Variants in FOXP2 observed in about 807,000 individuals in gnomAD.
The protein encoded by FOXP2 is forkhead box P2.
A neutral mutation model predicts 115.8 loss-of-function variants in FOXP2; 12 were observed. The ratio of observed to expected loss-of-function variants is 0.10; its 90% CI spans 0.07 to 0.17. FOXP2 has a LOEUF of 0.17. Ranked by LOEUF, FOXP2 falls within the 10% of genes least tolerant of loss-of-function variation. The pLI is 1.00. For synonymous variants in FOXP2, 328 were observed against 297.7 expected (o/e 1.10, Z -1.05); for missense variants, 629 against 843.5 (o/e 0.75, Z 3.15).
At chr7:114,463,924 G>A (rs1472023636) in intron 2 of FOXP2, among the ~76,000 whole-genome samples, 1 of 152,128 alleles carries the variant, frequency 6.6e-6, no homozygotes, top group African/African-American at 2.4e-5. Flanking sequence ...CAAAGAGAGA[G>A]ACAGTGTTTC....
intron 1 of FOXP2, among the ~76,000 whole-genome samples, chr7:114,088,811 T>C (rs1799481440): frequency 6.6e-6 from 1 of 152,244 alleles, no homozygotes; most frequent in African/African-American, 2.4e-5. Flanking sequence ...TTGTTTAATG[T>C]TGTTAAACAC....
Position 114,173,742 on chromosome 7 carries a change from C to T in FOXP2, c.-102+10654C>T, listed in dbSNP as rs185130543. On this transcript the variant is annotated intron_variant, in intron 1 of 17. Coordinates refer to the FOXP2 transcript ENST00000634411. ...AAGAATTATCTTTGTAGCAACTTTT[C>T]CTTTGCCATATTGAAATTTTGGGAA... Among the ~76,000 whole-genome samples the T allele has an allele frequency of 2.6e-5, 4 of 151,904 alleles. No homozygotes were observed. The East Asian group carries it at 5.8e-4, about 22-fold the overall frequency.
intron 1 of FOXP2, among the ~76,000 whole-genome samples, chr7:114,256,443 C>G (rs970614490): frequency 2.6e-5 from 4 of 152,116 alleles, no homozygotes; most frequent in African/African-American, 9.7e-5. Flanking sequence ...TTGCATTTCT[C>G]TAATGACCAT....
At chr7:114,452,171 TGA>T (rs2129219263) in intron 2 of FOXP2, among the ~76,000 whole-genome samples, 1 of 152,138 alleles carries the variant, frequency 6.6e-6, no homozygotes, top group South Asian at 2.1e-4. Context: ...TGAGCCTTTG[TGA>T]TATGTTCTTA....
chr7:114,599,013 C>T (rs559929605), intron 3 of FOXP2, among the ~76,000 whole-genome samples: 84 of 152,214 alleles, frequency 5.5e-4, no homozygotes, highest in African/African-American at 2.0e-3. Flanking sequence ...TACACAGCCA[C>T]GTTTATTCAT....
intron 2 of FOXP2, among the ~76,000 whole-genome samples, chr7:114,449,961 C>T (rs1795000414): frequency 6.6e-6 from 1 of 152,028 alleles, no homozygotes; most frequent in Admixed American, 6.6e-5. Flanking sequence ...CATACATATA[C>T]ATGACATCCA....
chr7:114,547,114 C>G (rs535975577), intron 3 of FOXP2, among the ~76,000 whole-genome samples: 4 of 152,270 alleles, frequency 2.6e-5, no homozygotes, highest in Admixed American at 1.3e-4. Flanking sequence ...CCAACTCTCT[C>G]TCATATTACT....
intron 2 of FOXP2, among the ~76,000 whole-genome samples, chr7:114,324,956 C>T (rs1797521559): frequency 6.6e-6 from 1 of 151,676 alleles, no homozygotes; most frequent in Admixed American, 6.6e-5. Flanking sequence ...TTATGGAGTA[C>T]ATGAGATGTT....
At chr7:114,211,289 C>T (rs1794341317) in intron 1 of FOXP2, among the ~76,000 whole-genome samples, 1 of 152,182 alleles carries the variant, frequency 6.6e-6, no homozygotes, top group Admixed American at 6.5e-5. Flanking sequence ...TGAGCAGCTA[C>T]CCTGCTGAGA....
chr7:114,660,466 C>CT (rs1432248760), intron 13 of FOXP2, among the ~76,000 whole-genome samples: 1 of 152,128 alleles, frequency 6.6e-6, no homozygotes, highest in African/African-American at 2.4e-5. Context: ...CACTCATCAG[C>CT]ATACTGAGAA....
chr7:114,543,803 A>G (rs920685384), intron 3 of FOXP2, among the ~76,000 whole-genome samples: 2 of 152,220 alleles, frequency 1.3e-5, no homozygotes, highest in Non-Finnish European at 2.9e-5. Context: ...TTAAAGCTCT[A>G]TTCTACCAAA....
intron 2 of FOXP2, among the ~76,000 whole-genome samples, chr7:114,300,522 C>A (rs946752737): frequency 6.6e-6 from 1 of 151,642 alleles, no homozygotes; most frequent in Non-Finnish European, 1.5e-5. Context: ...TTTCCTGAAA[C>A]AAGAAAAAAT....
chr7:114,413,045 C>A (rs1793203852), upstream of FOXP2, among the ~76,000 whole-genome samples: 1 of 151,940 alleles, frequency 6.6e-6, no homozygotes, highest in Non-Finnish European at 1.5e-5. Context: ...ATGTTAATTG[C>A]TACTACACTG....
chr7:114,551,455 T>A (rs1368009386), intron 3 of FOXP2, among the ~76,000 whole-genome samples: 1 of 152,158 alleles, frequency 6.6e-6, no homozygotes, highest in African/African-American at 2.4e-5. Flanking sequence ...ATAAATTGGG[T>A]TTCTCTTTTT....
chr7:114,245,117 C>A (rs960220491), intron 1 of FOXP2, among the ~76,000 whole-genome samples: 7 of 152,144 alleles, frequency 4.6e-5, no homozygotes, highest in Non-Finnish European at 8.8e-5. Flanking sequence ...GTTTCATAAT[C>A]ATTACTTTTT....
chr7:114,612,438 C>CAT (rs537668174), intron 3 of FOXP2, among the ~76,000 whole-genome samples: 34 of 151,592 alleles, frequency 2.2e-4, no homozygotes, highest in South Asian at 4.2e-4. Context: ...CACACACACA[C>CAT]ATATATATAT....
chr7:114,450,978 T>C (rs2129218475), intron 2 of FOXP2, among the ~76,000 whole-genome samples: 1 of 152,218 alleles, frequency 6.6e-6, no homozygotes, highest in Admixed American at 6.6e-5. Context: ...AAGATATTTT[T>C]AAATGAGAAA....
intron 1 of FOXP2, among the ~76,000 whole-genome samples, chr7:114,099,141 C>A (rs1562963691): frequency 6.6e-6 from 1 of 151,942 alleles, no homozygotes; most frequent in Non-Finnish European, 1.5e-5. Flanking sequence ...TCTCAACAAA[C>A]AAACAAACAA....
chr7:114,580,341 G>A (rs939746600), intron 3 of FOXP2, among the ~76,000 whole-genome samples: 5 of 152,236 alleles, frequency 3.3e-5, no homozygotes, highest in African/African-American at 9.6e-5. Context: ...ACTTTGGGAG[G>A]CTGAGGCGGG....
Sources: allele counts gnomAD v4.1 joint callset (sites outside exome capture counted in the v4.1 genomes callset), GRCh38; gene constraint gnomAD v4.1.1; transcripts MANE v1.5; gene names NCBI Gene and HGNC (gene_info 2026-07-23, HGNC 2026-07-21).